Variants in KCNQ1OT1 observed in about 807,000 individuals in gnomAD.
KCNQ1OT1 encodes KCNQ1 opposite strand/antisense transcript 1.
exon 1 of KCNQ1OT1, chr11:2,649,384 A>G (rs1056535727): frequency 5.0e-6 from 2 of 397,456 alleles, no homozygotes; most frequent in Admixed American, 4.4e-5. Context: ...CTAGTGTTTT[A>G]TGCTTTTGTA....
chr11:2,644,952 G>C (rs540371489), exon 1 of KCNQ1OT1: 3 of 398,524 alleles, frequency 7.5e-6, no homozygotes, highest in African/African-American at 6.2e-5. Context: ...GGCTGGCCCC[G>C]AATGCTTATC....
Position 2,632,869 on chromosome 11 carries a change from G to T in KCNQ1OT1, n.67126C>A, listed in dbSNP as rs540121917. ...TATCTTAACTGTTGTGAACAGTACT[G>T]CAATAAACATGAGAATGCAAATATC... is the stretch of plus-strand genomic sequence containing the variant. On this transcript the variant is annotated non_coding_transcript_exon_variant, in exon 1 of 1. Transcript: ENST00000597346. 6.5e-5 allele frequency: 26 copies of T among 398,394 alleles called. 1 individual carries two copies. In the South Asian group the frequency reaches 3.3e-3, roughly 51 times the overall value. The allele number at this position is 398,394 out of a possible 1,614,324, so 24.7% of individuals were successfully genotyped here. A position where few individuals can be genotyped will look rare whatever the true frequency, so the allele number is the denominator to read the frequency against.
chr11:2,699,929 GCCCTGGCAGGATCTTGCTGAGGAGCT>G (rs1590040555), exon 1 of KCNQ1OT1: 4 of 398,320 alleles, frequency 1.0e-5, no homozygotes, highest in South Asian at 1.3e-4. Context: ...GCTGAGGGGC[GCCCTGGCAGGATCTTGCTGAGGAGCT>G]CCCTGGAGGT....
exon 1 of KCNQ1OT1, chr11:2,609,421 G>A (rs571299777): frequency 7.5e-6 from 3 of 398,296 alleles, no homozygotes; most frequent in South Asian, 2.5e-4. Context: ...ATTTATGCAG[G>A]TTTGTTTCGT....
chr11:2,664,521 G>A lies in KCNQ1OT1; in HGVS notation n.35474C>T, dbSNP rs1175327209. 2.5e-6 allele frequency: 1 copy of A among 398,762 alleles called. No individual in the cohort carries two copies. The highest frequency in any genetic ancestry group is 4.4e-6 in the Non-Finnish European group (1 of 226,162). The allele number at this position is 398,762 out of a possible 1,614,324, so 24.7% of individuals were successfully genotyped here. On this transcript the variant is annotated non_coding_transcript_exon_variant, in exon 1 of 1. Coordinates refer to ENST00000597346, the Ensembl canonical transcript of KCNQ1OT1. This position sits in a 1 kb window ranked among gnomAD's most constrained non-coding sequence, Gnocchi z 5.1. ...CAGCAGTGGGCACCCTGTTTCCTCA[G>A]GGCCCAAACCGCCTGGCGGCAGGGG...
exon 1 of KCNQ1OT1, chr11:2,656,215 A>C (rs1308588143): frequency 2.5e-6 from 1 of 398,506 alleles, no homozygotes; most frequent in African/African-American, 2.1e-5. Flanking sequence ...ATCCTGGATG[A>C]AGTTTTAGCT....
exon 1 of KCNQ1OT1, chr11:2,619,854 T>A (rs1172369915): frequency 2.5e-6 from 1 of 398,430 alleles, no homozygotes; most frequent in Non-Finnish European, 4.4e-6. Context: ...GTTTTGGGGT[T>A]TTTTTAACTT....
chr11:2,652,483 A>G lies in KCNQ1OT1; in HGVS notation n.47512T>C. 2.5e-6 allele frequency: 1 copy of G among 398,252 alleles called. No individual in the cohort carries two copies. Among genetic ancestry groups the G allele is most frequent in the Non-Finnish European group, 4.4e-6 (1 of 225,978 alleles). 24.7% of individuals were successfully genotyped at this position (398,252 alleles called of 1,614,324 possible). ...AAGACCTCCAGAAACTTTCCTCCCC[A>G]CCTCTCCAGAGGTTTCTGGGGAATG... On this transcript the variant is annotated non_coding_transcript_exon_variant, in exon 1 of 1. Transcript: ENST00000597346. The surrounding 1 kb of genome is among the most constrained non-coding windows in gnomAD (Gnocchi z 5.9).
rs1848984514 is a variant in KCNQ1OT1, at chr11:2,611,910, T to G, written n.88085A>C. 2.5e-6 allele frequency: 1 copy of G among 398,456 alleles called. No homozygotes were observed. Among genetic ancestry groups the G allele is most frequent in the South Asian group, 1.3e-4 (1 of 7,854 alleles). The allele number at this position is 398,456 out of a possible 1,614,324, so 24.7% of individuals were successfully genotyped here. A position where few individuals can be genotyped will look rare whatever the true frequency, so the allele number is the denominator to read the frequency against. ...AATCTGGAGGTTACAATAAGCAGCT[T>G]AAGCAAAAACAATCTGCTTCAGGTT... On this transcript the variant is annotated non_coding_transcript_exon_variant, in exon 1 of 1. Transcript: ENST00000597346. The surrounding 1 kb of genome is among the most constrained non-coding windows in gnomAD (Gnocchi z 5.3).
chr11:2,678,486 T>G lies in KCNQ1OT1; in HGVS notation n.21509A>C. Reference sequence around the variant, plus strand: ...CTTTATCATATTTCAAACTCTCATTTAATTTGTGTCCATTTCTAGACTCTA... The same window carrying G: ...CTTTATCATATTTCAAACTCTCATTGAATTTGTGTCCATTTCTAGACTCTA... On this transcript the variant is annotated non_coding_transcript_exon_variant, in exon 1 of 1. Transcript: ENST00000597346. The surrounding 1 kb of genome is among the most constrained non-coding windows in gnomAD (Gnocchi z 4.9). 2.5e-6 allele frequency: 1 copy of G among 398,582 alleles called. No homozygotes were observed. The highest frequency in any genetic ancestry group is 4.4e-6 in the Non-Finnish European group (1 of 226,048). 24.7% of individuals were successfully genotyped at this position (398,582 alleles called of 1,614,324 possible).
exon 1 of KCNQ1OT1, chr11:2,667,155 C>T (rs764942864): frequency 5.8e-5 from 23 of 398,532 alleles, no homozygotes; most frequent in Non-Finnish European, 7.5e-5. Context: ...ATCAGATGCC[C>T]TCAATCTGGC....
At position 2,688,436 on chromosome 11, in the gene KCNQ1OT1, C is replaced by T. The variant is rs889053003; in HGVS notation, n.11559G>A. 1.6e-4 allele frequency: 62 copies of T among 398,664 alleles called. No individual in the cohort carries two copies. The Middle Eastern group carries it at 1.9e-3, about 12-fold the overall frequency. 24.7% of individuals were successfully genotyped at this position (398,664 alleles called of 1,614,324 possible). On this transcript the variant is annotated non_coding_transcript_exon_variant, in exon 1 of 1. Transcript: ENST00000597346. ...GTAGGCACTGGGCCCCAGCCCCTGCCTGTGCCATCACTATTTCACAGGAGA... is the reference window on the plus strand; with the variant it reads ...GTAGGCACTGGGCCCCAGCCCCTGCTTGTGCCATCACTATTTCACAGGAGA...
In KCNQ1OT1 at chr11:2,620,943, G is replaced by GTTT. The variant is rs1188209867; in HGVS notation, n.79049_79051dup. ...GGTGTTTTTTTGTTGTTGTTGTTTT[G>GTTT]TTTTGTTTTTTTTTGTCTGTTTTTT... On this transcript the variant is annotated non_coding_transcript_exon_variant, in exon 1 of 1. Coordinates refer to ENST00000597346, the Ensembl canonical transcript of KCNQ1OT1. The surrounding 1 kb of genome is among the most constrained non-coding windows in gnomAD (Gnocchi z 4.5). 25 of 306,690 alleles carry GTTT rather than the reference G, an allele frequency of 8.2e-5. No homozygotes were observed. Among genetic ancestry groups the GTTT allele is most frequent in the Non-Finnish European group, 1.1e-4 (21 of 188,502 alleles). The allele number at this position is 306,690 out of a possible 1,614,324, so 19.0% of individuals were successfully genotyped here. A position where few individuals can be genotyped will look rare whatever the true frequency, so the allele number is the denominator to read the frequency against.
rs965427945 is a variant in KCNQ1OT1 at position 2,671,848 on chromosome 11, T to C, written n.28147A>G. On this transcript the variant is annotated non_coding_transcript_exon_variant, in exon 1 of 1. Transcript: ENST00000597346. The surrounding 1 kb of genome is among the most constrained non-coding windows in gnomAD (Gnocchi z 4.7). Reference sequence around the variant, plus strand: ...ACTGTGGTTATAGGTCTGAGCCTTCTGCCCCAGGGAGCCAAGCCCTGGAGA... The same window carrying C: ...ACTGTGGTTATAGGTCTGAGCCTTCCGCCCCAGGGAGCCAAGCCCTGGAGA... 2.5e-6 allele frequency: 1 copy of C among 398,604 alleles called. No homozygotes were observed. The highest frequency in any genetic ancestry group is 4.4e-6 in the Non-Finnish European group (1 of 226,122). The allele number at this position is 398,604 out of a possible 1,614,324, so 24.7% of individuals were successfully genotyped here. A position where few individuals can be genotyped will look rare whatever the true frequency, so the allele number is the denominator to read the frequency against.
Position 2,632,771 on chromosome 11 carries a change from G to C in KCNQ1OT1, n.67224C>G, listed in dbSNP as rs151297763. ...CAGGACTTAATGCTTTATTATGACTGAATAATATTCCATTGTGTATACATA... is the reference window on the plus strand; with the variant it reads ...CAGGACTTAATGCTTTATTATGACTCAATAATATTCCATTGTGTATACATA... On this transcript the variant is annotated non_coding_transcript_exon_variant, in exon 1 of 1. Coordinates refer to ENST00000597346, the Ensembl canonical transcript of KCNQ1OT1. 2,615 of 398,370 alleles carry C rather than the reference G, an allele frequency of 6.6e-3. 23 individuals carry two copies. The highest frequency in any genetic ancestry group is 0.017 in the Middle Eastern group (27 of 1,584). 24.7% of individuals were successfully genotyped at this position (398,370 alleles called of 1,614,324 possible). A position where few individuals can be genotyped will look rare whatever the true frequency, so the allele number is the denominator to read the frequency against.
rs558980181 is a variant in KCNQ1OT1 at position 2,648,728 on chromosome 11, G to A, written n.51267C>T. 6.0e-5 allele frequency: 24 copies of A among 398,454 alleles called. No individual in the cohort carries two copies. The South Asian group carries it at 7.6e-4, about 13-fold the overall frequency. The allele number at this position is 398,454 out of a possible 1,614,324, so 24.7% of individuals were successfully genotyped here. A position where few individuals can be genotyped will look rare whatever the true frequency, so the allele number is the denominator to read the frequency against. On this transcript the variant is annotated non_coding_transcript_exon_variant, in exon 1 of 1. Coordinates refer to ENST00000597346, the Ensembl canonical transcript of KCNQ1OT1. ...CCTGGAGAATGTGCTGTGTGCTAAC[G>A]AAGCAGCAGTTCAAATCTAATATTT...
exon 1 of KCNQ1OT1, chr11:2,662,147 G>A: frequency 2.5e-6 from 4 of 1,607,092 alleles, no homozygotes; most frequent in East Asian, 2.2e-5. Flanking sequence ...GTCAGACTTG[G>A]TGCTGGGGAA....
exon 1 of KCNQ1OT1, chr11:2,680,712 C>A (rs1850382256): frequency 2.5e-6 from 1 of 398,368 alleles, no homozygotes; most frequent in Admixed American, 4.4e-5. Context: ...TTTATAGCTA[C>A]CCCCAATTCC....
Position 2,690,411 on chromosome 11 carries a change from C to T in KCNQ1OT1, n.9584G>A, listed in dbSNP as rs1006126974. 1.5e-5 allele frequency: 6 copies of T among 398,542 alleles called. No homozygotes were observed. The highest frequency in any genetic ancestry group is 1.8e-5 in the Non-Finnish European group (4 of 226,126). The allele number at this position is 398,542 out of a possible 1,614,324, so 24.7% of individuals were successfully genotyped here. Reference sequence around the variant, plus strand: ...ACCAAAAGAGCTATCTCTCTCCCTGCGAAAGGCTGGGGTCCTGGGAGCTAG... The same window carrying T: ...ACCAAAAGAGCTATCTCTCTCCCTGTGAAAGGCTGGGGTCCTGGGAGCTAG... On this transcript the variant is annotated non_coding_transcript_exon_variant, in exon 1 of 1. Transcript: ENST00000597346. This position sits in a 1 kb window ranked among gnomAD's most constrained non-coding sequence, Gnocchi z 5.1.
Sources: gnomAD v4.1 joint callset for allele counts on GRCh38, gnomAD v4.1.1 for gene constraint, Gnocchi (gnomAD v3.1) non-coding constraint, MANE v1.5 for transcripts, NCBI Gene and HGNC (gene_info 2026-07-23, HGNC 2026-07-21) for gene names.